The following CHD8 variants were observed in gnomAD, a reference collection of about 807,000 sequenced individuals.
CHD8 encodes the protein ATP-dependent chromatin remodeler CHD8.
A neutral mutation model predicts 279.2 loss-of-function variants in CHD8; 31 were observed. That is an observed-to-expected ratio of 0.11 (90% CI 0.08 to 0.15). The LOEUF is 0.15. CHD8 is among the 10% of genes least tolerant of loss of function. The probability of loss-of-function intolerance (pLI) is 1.00; values close to 1 mark genes in which losing one functional copy is unlikely to be tolerated. For missense variants in CHD8, 2,146 were observed against 3,230.5 expected (o/e 0.66, Z 8.14); for synonymous variants, 1,081 against 1,139.6 (o/e 0.95, Z 1.04).
At chr14:21,427,812 G>A in intron 4 of CHD8, 57 bp downstream of exon 4, 1 of 1,576,196 alleles carries the variant, frequency 6.3e-7, no homozygotes, top group Non-Finnish European at 8.6e-7. Context: ...CAATAGCAAG[G>A]AGTACTCACT....
Position 21,431,090 on chromosome 14 carries a change from C to T in CHD8, c.554G>A (p.Ser185Asn). ...GCCTGCCACCAGGGGCTGAGCTGTG[C>T]TGGTGATACCTTGGGCCTGAATTTG... ...VAQIQAQGIT[S>N]TAQPLVAGTA... Residue 185 changes from serine to asparagine, a missense_variant, in exon 2 of 38, where the codon AGC becomes AAC. This residue lies in a region of CHD8 where 302 missense variants were observed against 325.5 expected (regional missense o/e 0.93). Transcript: ENST00000646647. 6.3e-7 allele frequency: 1 copy of T among 1,599,136 alleles called. No individual in the cohort carries two copies. The highest frequency in any genetic ancestry group is 8.5e-7 in the Non-Finnish European group (1 of 1,179,650).
intron 7 of CHD8, 148 bp downstream of exon 7, chr14:21,415,426 G>A (rs1325688737): frequency 5.1e-6 from 2 of 392,646 alleles, no homozygotes; most frequent in Non-Finnish European, 8.4e-6. Flanking sequence ...CTCAAGCCCA[G>A]AAGTTCATAG....
chr14:21,421,756 C>A (rs542821378), intron 5 of CHD8, among the ~76,000 whole-genome samples: 2 of 152,264 alleles, frequency 1.3e-5, no homozygotes, highest in African/African-American at 4.8e-5. Context: ...AAGCCCCTAA[C>A]CCCCAGTACC....
intron 5 of CHD8, among the ~76,000 whole-genome samples, chr14:21,422,039 T>G (rs1262274479): frequency 6.6e-6 from 1 of 152,092 alleles, no homozygotes; most frequent in African/African-American, 2.4e-5. Flanking sequence ...CCTCCAGAAC[T>G]ATAAGGAAAT....
In CHD8 at chr14:21,415,821, C is replaced by CTCT. The variant is rs757502536; in HGVS notation, c.1800_1802dup (p.Glu601dup). 11 of 1,613,600 alleles carry CTCT rather than the reference C, an allele frequency of 6.8e-6. No homozygotes were observed. In the African/African-American group the frequency reaches 8.0e-5, roughly 12 times the overall value. ...GTTTTATTGGACCAGTTACATCCAC[C>CTCT]TCTTCTTCTTCTTCATCATCTGTGA... On this transcript the variant is annotated inframe_insertion, in exon 6 of 38. Transcript: ENST00000646647.
intron 5 of CHD8, among the ~76,000 whole-genome samples, chr14:21,417,851 CAAA>C (rs59449804): frequency 2.6e-3 from 305 of 116,044 alleles, no homozygotes; most frequent in Non-Finnish European, 3.7e-3. Context: ...GAGACTCTCT[CAAA>C]AAAAAAAAAA....
At chr14:21,391,990 T>A (rs1055334886) in intron 34 of CHD8, 44 bp from the exon 35 acceptor site, 2 of 1,364,276 alleles carry the variant, frequency 1.5e-6, no homozygotes, top group Non-Finnish European at 2.1e-6. Context: ...ATGGTACATG[T>A]TTTTCAAAGT....
At chr14:21,446,381 G>A (rs1184475463) in intron 1 of CHD8, among the ~76,000 whole-genome samples, 3 of 143,376 alleles carry the variant, frequency 2.1e-5, no homozygotes, top group Non-Finnish European at 4.5e-5. Flanking sequence ...GCACCATCTC[G>A]GCTCACTGCA....
Position 21,385,445 on chromosome 14 carries a change from C to A in CHD8, c.*168G>T. 8.8e-7 allele frequency: 1 copy of A among 1,135,314 alleles called. No individual in the cohort carries two copies. The highest frequency in any genetic ancestry group is 1.2e-6 in the Non-Finnish European group (1 of 831,178). 70.3% of individuals were successfully genotyped at this position (1,135,314 alleles called of 1,614,324 possible). A position where few individuals can be genotyped will look rare whatever the true frequency, so the allele number is the denominator to read the frequency against. Reference sequence around the variant, plus strand: ...GGAGTTCCCCTGCCCACCCAATCCTCTCATAATTGGGAGCAATCAGGTACA... The same window carrying A: ...GGAGTTCCCCTGCCCACCCAATCCTATCATAATTGGGAGCAATCAGGTACA... On this transcript the variant is annotated 3_prime_UTR_variant, in exon 38 of 38. Coordinates refer to ENST00000646647, the MANE Select transcript of CHD8 (RefSeq NM_001170629.2).
Position 21,400,691 on chromosome 14 carries a change from G to T in CHD8, c.4371-79C>A. ...CCCTCAGAATCATGTCTCTGAAAAG[G>T]TGTGAAACAAAGATCTTAAAAAACA... On this transcript the variant is annotated intron_variant, in intron 22 of 37. Transcript: ENST00000646647. The surrounding 1 kb of genome is among the most constrained non-coding windows in gnomAD (Gnocchi z 4.2). 2.2e-6 allele frequency: 3 copies of T among 1,361,974 alleles called. No individual in the cohort carries two copies. Among genetic ancestry groups the T allele is most frequent in the Non-Finnish European group, 3.0e-6 (3 of 1,013,010 alleles). The allele number at this position is 1,361,974 out of a possible 1,614,324, so 84.4% of individuals were successfully genotyped here. A position where few individuals can be genotyped will look rare whatever the true frequency, so the allele number is the denominator to read the frequency against.
chr14:21,453,831 AAC>A (rs1198124052), intron 1 of CHD8, among the ~76,000 whole-genome samples: 1 of 151,860 alleles, frequency 6.6e-6, no homozygotes, highest in Non-Finnish European at 1.5e-5. Context: ...TCAGTAAGCA[AAC>A]ACAGTTTTGA....
chr14:21,394,054 T>C lies in CHD8; in HGVS notation c.5741A>G (p.Gln1914Arg). Residue 1914 changes from glutamine to arginine, a missense_variant, in exon 32 of 38, where the codon CAG becomes CGG. Physicochemically the swap from Gln to Arg is conservative, Grantham distance 43. Around this residue, in one of 26 missense-constraint regions of CHD8, gnomAD observed 513 missense variants for 637.6 expected, o/e 0.80. Coordinates refer to ENST00000646647, the MANE Select transcript of CHD8 (RefSeq NM_001170629.2). Reference sequence around the variant, plus strand: ...TTTGGGCAATTCAGGACCAGGAGGCTGACACAATGCCAGCCGATCTTCCAA... The same window carrying C: ...TTTGGGCAATTCAGGACCAGGAGGCCGACACAATGCCAGCCGATCTTCCAA... The part of the protein sequence containing the change: ...PLLEDRLALC[Q>R]PPGPELPKWW... 6.2e-7 allele frequency: 1 copy of C among 1,613,986 alleles called. No homozygotes were observed.
At chr14:21,449,570 T>TC (rs1200879793) in intron 1 of CHD8, among the ~76,000 whole-genome samples, 3 of 152,298 alleles carry the variant, frequency 2.0e-5, no homozygotes, top group African/African-American at 7.2e-5. Flanking sequence ...ATGAAAGGAC[T>TC]CCAGTACTAC....
Position 21,409,862 on chromosome 14 carries a change from G to A in CHD8, c.2353C>T (p.Leu785Phe). The A allele has an allele frequency of 6.2e-7, 1 of 1,613,468 alleles. No homozygotes were observed. Among genetic ancestry groups the A allele is most frequent in the South Asian group, 1.1e-5 (1 of 90,982 alleles). ...GCAAATGTACTTACCACCCTTTTGA[G>A]TTCTGGGTGCCTTGACTGAATCCGT... The part of the protein sequence containing the change: ...FKRIQSRHPE[L>F]KRVNRPQASA... Residue 785 changes from leucine to phenylalanine, a missense_variant, in exon 11 of 38, where the codon CTC becomes TTC. Leu to Phe is a conservative substitution (Grantham distance 22). This residue lies in a region of CHD8 where 211 missense variants were observed against 464.7 expected (regional missense o/e 0.45). Transcript: ENST00000646647.
At chr14:21,397,347 G>A in intron 27 of CHD8, 1 of 518,714 alleles carries the variant, frequency 1.9e-6, no homozygotes, top group South Asian at 1.4e-5. Flanking sequence ...CCCAAACCAG[G>A]GCAACACTGC....
intron 5 of CHD8, among the ~76,000 whole-genome samples, chr14:21,421,116 T>A (rs1889024160): frequency 6.6e-6 from 1 of 152,066 alleles, no homozygotes; most frequent in Admixed American, 6.6e-5. Context: ...AGTTAAAAAA[T>A]TTCACACAGG....
At chr14:21,416,075 G>C (rs1888710997) in intron 5 of CHD8, 168 bp from the exon 6 acceptor site, 1 of 574,838 alleles carries the variant, frequency 1.7e-6, no homozygotes, top group Non-Finnish European at 3.0e-6. Flanking sequence ...ATTATGCTAT[G>C]TACTGACCAT....
chr14:21,385,755 T>A lies in CHD8; in HGVS notation c.7604A>T (p.Gln2535Leu). ...ATCCTCATCGTCATCCTCCTCAGGT[T>A]GCAGTGGTGGCAACCGCAAGGTAGT... ...SGTTLRLPPL[Q>L]PEEDDDEDEE... The change falls in exon 38 of 38, where the codon CAA becomes CTA. Residue 2535 changes from glutamine (Q) to leucine (L), a missense_variant. By Grantham distance (113) the Gln-to-Leu change is moderately radical. Around this residue, in one of 26 missense-constraint regions of CHD8, gnomAD observed 336 missense variants for 392.9 expected, o/e 0.86. Transcript: ENST00000646647. The A allele has an allele frequency of 6.5e-7, 1 of 1,550,290 alleles. No homozygotes were observed. Among genetic ancestry groups the A allele is most frequent in the Non-Finnish European group, 8.7e-7 (1 of 1,146,822 alleles).
At chr14:21,398,943 A>G in intron 26 of CHD8, 1 of 413,138 alleles carries the variant, frequency 2.4e-6, no homozygotes, top group Non-Finnish European at 4.9e-6. Context: ...CTCTGTAAAG[A>G]CCCTCACAGG....
Sources: gnomAD v4.1 joint callset for allele counts (sites outside exome capture counted in the v4.1 genomes callset) on GRCh38, gnomAD v4.1.1 for gene constraint, gnomAD v4.1.1 regional missense constraint, Gnocchi (gnomAD v3.1) non-coding constraint, MANE v1.5 for transcripts, NCBI Gene and HGNC (gene_info 2026-07-23, HGNC 2026-07-21) for gene names.